The following SORCS2 variants were observed in gnomAD, a reference collection of about 807,000 sequenced individuals.
SORCS2 encodes the protein sortilin related VPS10 domain containing receptor 2, also known as VPS10 domain-containing receptor SorCS2.
In SORCS2, 100 loss-of-function variants were observed where a neutral mutation model predicts 141.6. That is an observed-to-expected ratio of 0.71 (90% CI 0.60 to 0.83). SORCS2 has a LOEUF of 0.83. Ranked by LOEUF, SORCS2 falls within the 40% of genes least tolerant of loss-of-function variation. The probability of loss-of-function intolerance (pLI) is 0.00; values close to 1 mark genes in which losing one functional copy is unlikely to be tolerated. For synonymous variants in SORCS2, 789 were observed against 676.9 expected (o/e 1.17, Z -2.57); for missense variants, 1,646 against 1,560.2 (o/e 1.05, Z -0.93).
Position 7,664,632 on chromosome 4 carries a change from G to C in SORCS2, c.1071+161G>C, listed in dbSNP as rs965639295. ...ACGGTTTCTGACCGTGGCTGTGGCT[G>C]CAGCCATCCACAGAAGCCCTCGCAA... On this transcript the variant is annotated intron_variant, in intron 7 of 26. Coordinates refer to ENST00000507866, the MANE Select transcript of SORCS2 (RefSeq NM_020777.3). The surrounding 1 kb of genome is among the most constrained non-coding windows in gnomAD (Gnocchi z 4.7). Among the ~76,000 whole-genome samples the C allele has an allele frequency of 2.6e-5, 4 of 152,186 alleles. No individual in the cohort carries two copies. The highest frequency in any genetic ancestry group is 9.7e-5 in the African/African-American group (4 of 41,434).
chr4:7,285,184 C>T (rs797017188), intron 1 of SORCS2, among the ~76,000 whole-genome samples: 5 of 152,200 alleles, frequency 3.3e-5, no homozygotes, highest in African/African-American at 1.2e-4. Context: ...AGGTGCCTGC[C>T]ACCACGCCTG....
At chr4:7,699,412 G>A (rs1724913942) in intron 12 of SORCS2, among the ~76,000 whole-genome samples, 1 of 152,148 alleles carries the variant, frequency 6.6e-6, no homozygotes, top group Admixed American at 6.5e-5. Flanking sequence ...CCCACGCTTG[G>A]AGAGGAGGGT....
intron 2 of SORCS2, among the ~76,000 whole-genome samples, chr4:7,530,040 C>T (rs896204193): frequency 1.3e-5 from 2 of 152,174 alleles, no homozygotes; most frequent in African/African-American, 4.8e-5. Flanking sequence ...ATTCTGGGGA[C>T]CTGTGGCCAC....
rs1010771144 is a variant in SORCS2, at chr4:7,336,717, G to T, written c.481-59571G>T. 2.6e-5 allele frequency among the ~76,000 whole-genome samples: 4 copies of T among 151,260 alleles called. 2 individuals are homozygous for T. Among genetic ancestry groups the T allele is most frequent in the Non-Finnish European group, 5.9e-5 (4 of 67,846 alleles). On this transcript the variant is annotated intron_variant, in intron 1 of 26. Coordinates refer to ENST00000507866, the MANE Select transcript of SORCS2 (RefSeq NM_020777.3). ...CCCAGGACCTCCTGTTCGCATCTTG[G>T]TGGAAGCGCCAGTAGCACCTTGGGT...
chr4:7,727,472 A>T (rs546669631), intron 21 of SORCS2, among the ~76,000 whole-genome samples: 26 of 150,842 alleles, frequency 1.7e-4, no homozygotes, highest in Admixed American at 5.3e-4. Flanking sequence ...TGCCACCAAC[A>T]TCACAGCAAT....
chr4:7,530,880 C>T (rs767947562), intron 2 of SORCS2, among the ~76,000 whole-genome samples: 16 of 152,198 alleles, frequency 1.1e-4, no homozygotes, highest in Admixed American at 7.2e-4. Flanking sequence ...TCTCCCAGCA[C>T]GAGTCCAGCA....
chr4:7,586,227 CCTT>C (rs571019414), intron 3 of SORCS2, among the ~76,000 whole-genome samples: 3 of 152,196 alleles, frequency 2.0e-5, no homozygotes, highest in Admixed American at 6.5e-5. Flanking sequence ...CCTTCTGCCA[CCTT>C]CTGGGAGAGC....
rs996369298 is a variant in SORCS2, at chr4:7,697,335, C to G, written c.1668+61C>G. 1.2e-5 allele frequency: 17 copies of G among 1,377,360 alleles called. No individual in the cohort carries two copies. In the Admixed American group the frequency reaches 2.0e-4, roughly 16 times the overall value. 85.3% of individuals were successfully genotyped at this position (1,377,360 alleles called of 1,614,324 possible). A position where few individuals can be genotyped will look rare whatever the true frequency, so the allele number is the denominator to read the frequency against. ...CCATCCAGCCGGGACCCTCAGGAGA[C>G]ACTTCTGTTCTGTCATCCCGTCCAT... On this transcript the variant is annotated intron_variant, in intron 12 of 26. Transcript: ENST00000507866.
chr4:7,713,179 C>T (rs1174702200), intron 15 of SORCS2, among the ~76,000 whole-genome samples: 1 of 152,154 alleles, frequency 6.6e-6, no homozygotes, highest in Non-Finnish European at 1.5e-5. Context: ...TAACACAGGC[C>T]TGTACCATAC....
chr4:7,211,934 A>G (rs1352776056), intron 1 of SORCS2, among the ~76,000 whole-genome samples: 1 of 152,090 alleles, frequency 6.6e-6, no homozygotes, highest in Non-Finnish European at 1.5e-5. Context: ...GTGGAAGGAG[A>G]TCGTGAATGT....
At chr4:7,597,468 C>T (rs931361695) in intron 3 of SORCS2, among the ~76,000 whole-genome samples, 1 of 117,288 alleles carries the variant, frequency 8.5e-6, no homozygotes, top group African/African-American at 3.5e-5. Context: ...AGAGGACTAT[C>T]GCAATAGGAG....
intron 2 of SORCS2, among the ~76,000 whole-genome samples, chr4:7,465,048 A>C (rs1729535407): frequency 6.6e-6 from 1 of 152,210 alleles, no homozygotes; most frequent in African/African-American, 2.4e-5. Flanking sequence ...GAGGATGACA[A>C]AGCACCCCCC....
chr4:7,698,312 C>A (rs1724839705), intron 12 of SORCS2, among the ~76,000 whole-genome samples: 1 of 152,230 alleles, frequency 6.6e-6, no homozygotes, highest in East Asian at 1.9e-4. Flanking sequence ...CAGCCACGGC[C>A]CCCCTCCCAC....
intron 1 of SORCS2, among the ~76,000 whole-genome samples, chr4:7,262,581 G>C (rs549967756): frequency 6.6e-6 from 1 of 152,238 alleles, no homozygotes; most frequent in Non-Finnish European, 1.5e-5. Context: ...GGTAATTGCT[G>C]GTAGCAATAG....
At chr4:7,220,702 C>T (rs139716588) in intron 1 of SORCS2, among the ~76,000 whole-genome samples, 8 of 152,264 alleles carry the variant, frequency 5.3e-5, no homozygotes, top group South Asian at 4.1e-4. Context: ...CTCCCATTTC[C>T]GGCCCCATTT....
At chr4:7,470,650 G>A (rs1469998142) in intron 2 of SORCS2, among the ~76,000 whole-genome samples, 1 of 150,966 alleles carries the variant, frequency 6.6e-6, no homozygotes, top group Non-Finnish European at 1.5e-5. Context: ...AGACACAGGT[G>A]ATGATCTGGG....
rs983106123 is a variant in SORCS2 at position 7,713,095 on chromosome 4, A to G, written c.1989+242A>G. ...CCACACTCGGGGAGTGTGGGGCTAC[A>G]GGGGCTACAGTCTCTACTCCAGCCC... On this transcript the variant is annotated intron_variant, in intron 15 of 26. Transcript: ENST00000507866. Among the ~76,000 whole-genome samples, 4 of 152,096 alleles carry G rather than the reference A, an allele frequency of 2.6e-5. No homozygotes were observed. The South Asian group carries it at 8.3e-4, about 32-fold the overall frequency.
intron 3 of SORCS2, among the ~76,000 whole-genome samples, chr4:7,621,015 G>A (rs1017167545): frequency 6.7e-6 from 1 of 148,530 alleles, no homozygotes; most frequent in African/African-American, 2.6e-5. Context: ...TGGCAGGCAC[G>A]GGGGGGTTGC....
intron 1 of SORCS2, among the ~76,000 whole-genome samples, chr4:7,342,131 T>A (rs1720403200): frequency 6.6e-6 from 1 of 152,146 alleles, no homozygotes; most frequent in Admixed American, 6.5e-5. Flanking sequence ...CCATCTCGGG[T>A]ATTTGGGAAA....
Sources: gnomAD v4.1 joint callset for allele counts (sites outside exome capture counted in the v4.1 genomes callset) on GRCh38, gnomAD v4.1.1 for gene constraint, Gnocchi (gnomAD v3.1) non-coding constraint, MANE v1.5 for transcripts, NCBI Gene and HGNC (gene_info 2026-07-23, HGNC 2026-07-21) for gene names.